The following ASH1L variants were observed in gnomAD, a reference collection of about 807,000 sequenced individuals.
The protein encoded by ASH1L is histone-lysine N-methyltransferase ASH1L.
Under a neutral mutation model 269.0 loss-of-function variants are expected in ASH1L, and 23 were observed. The observed-to-expected ratio is 0.09, with a 90% CI of 0.06 to 0.12. The LOEUF (loss-of-function observed/expected upper bound fraction) is 0.12, where lower values mean the gene tolerates loss of function less well. Among genes scored for constraint, ASH1L ranks in the 10% least tolerant of loss-of-function variants. ASH1L has a pLI of 1.00. For missense variants in ASH1L, 2,912 were observed against 3,567.8 expected (o/e 0.82, Z 4.68); for synonymous variants, 1,187 against 1,253.5 (o/e 0.95, Z 1.12).
intron 5 of ASH1L, among the ~76,000 whole-genome samples, chr1:155,437,334 A>G (rs1239676339): frequency 6.6e-6 from 1 of 152,226 alleles, no homozygotes; most frequent in East Asian, 1.9e-4. Flanking sequence ...ATGGCCAATA[A>G]GCGTATGAAA....
At chr1:155,470,666 C>T (rs756916056) in intron 3 of ASH1L, among the ~76,000 whole-genome samples, 14 of 151,588 alleles carry the variant, frequency 9.2e-5, no homozygotes, top group Non-Finnish European at 1.6e-4. Context: ...ATTCTTGTGC[C>T]TCAGCCTCCC....
At chr1:155,434,130 G>C in intron 5 of ASH1L, 2 of 1,594,958 alleles carry the variant, frequency 1.3e-6, no homozygotes, top group South Asian at 2.3e-5. Flanking sequence ...CTGGCCCCAG[G>C]GCCCCATTTT....
intron 1 of ASH1L, among the ~76,000 whole-genome samples, chr1:155,540,080 A>C (rs1393337916): frequency 6.6e-6 from 1 of 151,814 alleles, no homozygotes; most frequent in Non-Finnish European, 1.5e-5. Context: ...AAAAAAAAAA[A>C]ATTCTGATAA....
At chr1:155,492,669 ATGAT>A (rs1666884722) in intron 2 of ASH1L, among the ~76,000 whole-genome samples, 2 of 151,988 alleles carry the variant, frequency 1.3e-5, no homozygotes, top group South Asian at 4.1e-4. Context: ...ATTCATATTT[ATGAT>A]TATTATTGTG....
intron 1 of ASH1L, among the ~76,000 whole-genome samples, chr1:155,536,612 C>A (rs767786217): frequency 2.0e-5 from 3 of 152,042 alleles, no homozygotes; most frequent in Admixed American, 6.6e-5. Flanking sequence ...GCTTTTAATA[C>A]TTCTACATAA....
At chr1:155,417,318 T>C (rs1209829123) in intron 5 of ASH1L, among the ~76,000 whole-genome samples, 1 of 151,966 alleles carries the variant, frequency 6.6e-6, no homozygotes, top group Non-Finnish European at 1.5e-5. Context: ...TGAAAAGGGA[T>C]ATATCAGAGT....
At chr1:155,443,858 C>T (rs542053849) in intron 4 of ASH1L, among the ~76,000 whole-genome samples, 3 of 151,848 alleles carry the variant, frequency 2.0e-5, no homozygotes, top group East Asian at 1.9e-4. Flanking sequence ...TGGAAATCTG[C>T]GTTGTTTCCA....
At chr1:155,520,408 A>G (rs1668806328) in intron 2 of ASH1L, 1 of 153,982 alleles carries the variant, frequency 6.5e-6, no homozygotes, top group African/African-American at 2.4e-5. Context: ...GATTTCACAT[A>G]AATTTTTAAA....
intron 1 of ASH1L, among the ~76,000 whole-genome samples, chr1:155,558,851 C>CTT (rs1227615811): frequency 0.02 from 2,676 of 136,106 alleles, 100 homozygotes; most frequent in African/African-American, 0.069. Flanking sequence ...TTTTTCTTTT[C>CTT]TTTTTTTTTT....
intron 3 of ASH1L, among the ~76,000 whole-genome samples, chr1:155,464,163 C>T (rs1006991210): frequency 1.3e-5 from 2 of 152,122 alleles, no homozygotes; most frequent in Non-Finnish European, 2.9e-5. Flanking sequence ...GCTCATGTCT[C>T]AAGAGTAGCC....
chr1:155,528,235 T>C (rs1480837717), intron 1 of ASH1L, among the ~76,000 whole-genome samples: 1 of 152,208 alleles, frequency 6.6e-6, no homozygotes, highest in East Asian at 1.9e-4. Flanking sequence ...CAAAATATGG[T>C]AATTCCAAAG....
At chr1:155,527,531 C>T (rs1013351672) in intron 1 of ASH1L, among the ~76,000 whole-genome samples, 2 of 110,824 alleles carry the variant, frequency 1.8e-5, no homozygotes, top group Non-Finnish European at 3.6e-5. Context: ...TACGGGATAC[C>T]TTTTTTTTTT....
At chr1:155,553,020 C>T (rs1671322276) in intron 1 of ASH1L, among the ~76,000 whole-genome samples, 1 of 152,042 alleles carries the variant, frequency 6.6e-6, no homozygotes, top group South Asian at 2.1e-4. Context: ...ATTTTACAGT[C>T]AAGGAAACCA....
intron 2 of ASH1L, among the ~76,000 whole-genome samples, chr1:155,519,055 T>C (rs1035295977): frequency 2.8e-4 from 42 of 152,174 alleles, no homozygotes; most frequent in African/African-American, 8.7e-4. Flanking sequence ...AATAGATAAC[T>C]GTATGGCAAC....
At chr1:155,397,196 C>G (rs368487718) in intron 6 of ASH1L, among the ~76,000 whole-genome samples, 2 of 150,390 alleles carry the variant, frequency 1.3e-5, no homozygotes, top group East Asian at 3.9e-4. Context: ...TATCCTGAAT[C>G]AGTGTAAGAA....
intron 1 of ASH1L, among the ~76,000 whole-genome samples, chr1:155,536,706 C>A (rs1318943917): frequency 6.6e-6 from 1 of 152,010 alleles, no homozygotes; most frequent in Admixed American, 6.6e-5. Flanking sequence ...GCACTCCAGC[C>A]TGGGTGACAG....
intron 21 of ASH1L, chr1:155,345,943 T>C: frequency 5.8e-6 from 2 of 342,680 alleles, no homozygotes; most frequent in Non-Finnish European, 1.1e-5. Context: ...GCAGTTCTCT[T>C]GCCTCAGCCA....
At chr1:155,444,136 AC>A (rs1449306450) in intron 4 of ASH1L, among the ~76,000 whole-genome samples, 1 of 151,922 alleles carries the variant, frequency 6.6e-6, no homozygotes, top group African/African-American at 2.4e-5. Flanking sequence ...GGCACCTGCC[AC>A]CATGCCTGGC....
intron 1 of ASH1L, among the ~76,000 whole-genome samples, chr1:155,554,061 T>G (rs1671407301): frequency 6.6e-6 from 1 of 151,380 alleles, no homozygotes; most frequent in Non-Finnish European, 1.5e-5. Context: ...ACTCAAAGTG[T>G]AAGCCACTGC....
Sources: gnomAD v4.1 joint callset for allele counts (sites outside exome capture counted in the v4.1 genomes callset) on GRCh38, gnomAD v4.1.1 for gene constraint, MANE v1.5 for transcripts, NCBI Gene and HGNC (gene_info 2026-07-23, HGNC 2026-07-21) for gene names.